Variants in ADIPOR2 observed in about 807,000 individuals in gnomAD.
The protein encoded by ADIPOR2 is adiponectin receptor protein 2.
A neutral mutation model predicts 40.9 loss-of-function variants in ADIPOR2; 18 were observed. The observed-to-expected ratio is 0.44, with a 90% confidence interval of 0.30 to 0.65. ADIPOR2 has a LOEUF of 0.65. ADIPOR2 is among the 30% of genes least tolerant of loss of function. The pLI, the probability that ADIPOR2 is intolerant of heterozygous loss-of-function variation, is 0.09. For missense variants in ADIPOR2, 283 were observed against 479.2 expected (o/e 0.59, Z 3.82); for synonymous variants, 165 against 166.4 (o/e 0.99, Z 0.06).
At chr12:1,706,019 G>T (rs2094661573) in intron 1 of ADIPOR2, among the ~76,000 whole-genome samples, 1 of 152,080 alleles carries the variant, frequency 6.6e-6, no homozygotes, top group African/African-American at 2.4e-5. Flanking sequence ...TCAACTACTG[G>T]GCCTTGTTCA....
Position 1,754,277 on chromosome 12 carries a change from A to C in ADIPOR2, c.-67A>C, listed in dbSNP as rs895079636. On this transcript the variant is annotated 5_prime_UTR_variant, in exon 2 of 8. Coordinates refer to ENST00000357103, the MANE Select transcript of ADIPOR2 (RefSeq NM_024551.3). ...TCTTAGGATCAACTCACTATCCTGA[A>C]GGTCCATTCTCCCAAGAAGAGGGGA... The C allele has an allele frequency of 2.0e-5, 28 of 1,418,554 alleles. No homozygotes were observed. The Admixed American group carries it at 2.0e-4, about 10-fold the overall frequency. 87.9% of individuals were successfully genotyped at this position (1,418,554 alleles called of 1,614,324 possible).
chr12:1,732,021 C>CT (rs2094721607), intron 1 of ADIPOR2, among the ~76,000 whole-genome samples: 3 of 151,164 alleles, frequency 2.0e-5, no homozygotes, highest in African/African-American at 4.9e-5. Flanking sequence ...AAAGCTTAGA[C>CT]TTTTTTTGAG....
intron 1 of ADIPOR2, among the ~76,000 whole-genome samples, chr12:1,740,251 T>G (rs1223570012): frequency 6.6e-6 from 1 of 152,230 alleles, no homozygotes. Context: ...GCCAAGTGTA[T>G]TGATTTGCTA....
At chr12:1,781,362 C>T (rs1165813726) in intron 6 of ADIPOR2, among the ~76,000 whole-genome samples, 2 of 152,100 alleles carry the variant, frequency 1.3e-5, no homozygotes, top group Non-Finnish European at 2.9e-5. Context: ...TGGCTAAACA[C>T]CATCCAGAAA....
chr12:1,737,243 T>TC, intron 1 of ADIPOR2, among the ~76,000 whole-genome samples: 2 of 152,386 alleles, frequency 1.3e-5, no homozygotes, highest in South Asian at 4.1e-4. Context: ...AAATACTTGT[T>TC]CCTCAGATAC....
At chr12:1,755,313 T>TTATCCACCTGCCTCAACCTCCC (rs1862103533) in intron 2 of ADIPOR2, among the ~76,000 whole-genome samples, 1 of 152,050 alleles carries the variant, frequency 6.6e-6, no homozygotes, top group Admixed American at 6.5e-5. Context: ...CTCAACCTCC[T>TTATCCACCTGCCTCAACCTCCC]TATCCACCTG....
chr12:1,722,726 G>C (rs941339926), intron 1 of ADIPOR2, among the ~76,000 whole-genome samples: 1 of 152,178 alleles, frequency 6.6e-6, no homozygotes, highest in Non-Finnish European at 1.5e-5. Flanking sequence ...TATTATTTGA[G>C]TGCATTCTAA....
intron 6 of ADIPOR2, among the ~76,000 whole-genome samples, chr12:1,783,662 T>C (rs1862770684): frequency 6.6e-6 from 1 of 152,204 alleles, no homozygotes; most frequent in South Asian, 2.1e-4. Context: ...CCCGGCTGGC[T>C]CCTTGCATTT....
chr12:1,779,473 C>G (rs1311944829), intron 4 of ADIPOR2, among the ~76,000 whole-genome samples: 1 of 152,098 alleles, frequency 6.6e-6, no homozygotes, highest in Non-Finnish European at 1.5e-5. Context: ...ACAGGAAAAT[C>G]CATAAAGACA....
chr12:1,788,531 T>C lies in ADIPOR2; in HGVS notation c.*2459T>C, dbSNP rs1381038184. 1 of 152,654 alleles carries C rather than the reference T, an allele frequency of 6.6e-6. No individual in the cohort carries two copies. The highest frequency in any genetic ancestry group is 2.4e-5 in the African/African-American group (1 of 41,454). The allele number at this position is 152,654 out of a possible 1,614,324, so 9.5% of individuals were successfully genotyped here. A position where few individuals can be genotyped will look rare whatever the true frequency, so the allele number is the denominator to read the frequency against. On this transcript the variant is annotated 3_prime_UTR_variant, in exon 8 of 8. Coordinates refer to ENST00000357103, the MANE Select transcript of ADIPOR2 (RefSeq NM_024551.3). ...TCAGTATTTTCCCTCTTCCCCTTTA[T>C]AAATTATGCTAAAGCCACAAAGCAC... is the stretch of plus-strand genomic sequence containing the variant.
At chr12:1,700,939 A>G (rs1283567749) in intron 1 of ADIPOR2, among the ~76,000 whole-genome samples, 1 of 152,156 alleles carries the variant, frequency 6.6e-6, no homozygotes, top group Non-Finnish European at 1.5e-5. Context: ...TTTCAAACAT[A>G]CATGAGACTA....
intron 1 of ADIPOR2, chr12:1,697,821 A>G (rs1053254043): frequency 3.3e-5 from 5 of 152,356 alleles, no homozygotes; most frequent in African/African-American, 1.2e-4. Context: ...TCTTGAGGAA[A>G]GTTACTTAGA....
At chr12:1,748,264 TTA>T (rs1394402037) in intron 1 of ADIPOR2, among the ~76,000 whole-genome samples, 1 of 152,194 alleles carries the variant, frequency 6.6e-6, no homozygotes, top group Non-Finnish European at 1.5e-5. Flanking sequence ...TATTCTTTTT[TTA>T]GAGACGGAGT....
At chr12:1,756,273 TC>T (rs1271616619) in intron 2 of ADIPOR2, among the ~76,000 whole-genome samples, 1 of 151,888 alleles carries the variant, frequency 6.6e-6, no homozygotes, top group Non-Finnish European at 1.5e-5. Context: ...GTCTCAGCCT[TC>T]CGAGTAGCTG....
chr12:1,781,070 A>G lies in ADIPOR2; in HGVS notation c.832A>G (p.Arg278Gly). The G allele has an allele frequency of 6.3e-7, 1 of 1,588,684 alleles. No individual in the cohort carries two copies. Among genetic ancestry groups the G allele is most frequent in the Non-Finnish European group, 8.5e-7 (1 of 1,169,844 alleles). ...TGCCACCCCTCAGTATCGGGGAGTA[A>G]GAGCAGGTAAGAGCACGGGGAGGTT... ...MFATPQYRGVRAGVFLGLGLS... is the reference protein window; with the variant it reads ...MFATPQYRGVGAGVFLGLGLS... The change falls in exon 6 of 8, where the codon AGA becomes GGA. Residue 278 changes from arginine to glycine, a missense_variant. Arg to Gly is a moderately radical substitution (Grantham distance 125, BLOSUM62 -2). Transcript: ENST00000357103.
chr12:1,756,340 G>A lies in ADIPOR2; in HGVS notation c.171+1826G>A, dbSNP rs190127096. ...TAATTTTTGTATTTTTAGTAGAGAC[G>A]GGGTTTCACCATGTTGGCCAGGCTG... is the stretch of plus-strand genomic sequence containing the variant. On this transcript the variant is annotated intron_variant, in intron 2 of 7. Coordinates refer to ENST00000357103, the MANE Select transcript of ADIPOR2 (RefSeq NM_024551.3). 5.3e-5 allele frequency among the ~76,000 whole-genome samples: 8 copies of A among 151,894 alleles called. No homozygotes were observed. The South Asian group carries it at 1.0e-3, about 20-fold the overall frequency.
intron 1 of ADIPOR2, chr12:1,697,951 T>A (rs2094642567): frequency 6.6e-6 from 1 of 152,470 alleles, no homozygotes; most frequent in South Asian, 2.1e-4. Context: ...TATATAGTAC[T>A]GCTGTAGTAA....
intron 2 of ADIPOR2, among the ~76,000 whole-genome samples, chr12:1,758,334 C>A (rs1051388364): frequency 4.6e-5 from 7 of 151,964 alleles, no homozygotes; most frequent in African/African-American, 1.7e-4. Flanking sequence ...ACCATTTTTT[C>A]TTTCATTTGT....
intron 1 of ADIPOR2, among the ~76,000 whole-genome samples, chr12:1,722,365 T>C (rs1038876584): frequency 1.3e-5 from 2 of 152,062 alleles, no homozygotes; most frequent in Non-Finnish European, 2.9e-5. Flanking sequence ...TTTGTTAAGT[T>C]TGAGGTGCCA....
Sources: allele counts gnomAD v4.1 joint callset (sites outside exome capture counted in the v4.1 genomes callset), GRCh38; gene constraint gnomAD v4.1.1; transcripts MANE v1.5; gene names NCBI Gene and HGNC (gene_info 2026-07-23, HGNC 2026-07-21).